ARHGAP6: variants seen among roughly 807,000 people sequenced by gnomAD.
ARHGAP6 encodes the protein Rho GTPase activating protein 6.
ARHGAP6 carries 16 observed loss-of-function variants against 55.7 expected under a neutral mutation model. The observed-to-expected ratio is 0.29, with a 90% CI of 0.19 to 0.44. ARHGAP6 has a LOEUF of 0.44. Ranked by LOEUF, ARHGAP6 falls within the 20% of genes least tolerant of loss-of-function variation. ARHGAP6 has a pLI of 1.00. For missense variants in ARHGAP6, 698 were observed against 808.9 expected, an observed-to-expected ratio of 0.86 and a Z score of 1.66; for synonymous variants, 382 against 360.9, an observed-to-expected ratio of 1.06 and a Z score of -0.66.
rs73500481 is a variant in ARHGAP6 at position 11,631,886 on chromosome X, A to G, written c.588+32355T>C. On this transcript the variant is annotated intron_variant, in intron 1 of 12. Transcript: ENST00000337414. Reference sequence around the variant, plus strand: ...ATAAAATATTGTTTTGATTTTTTCCACCATTAAAAATATAAAAAGCATTCT... The same window carrying G: ...ATAAAATATTGTTTTGATTTTTTCCGCCATTAAAAATATAAAAAGCATTCT... Among the ~76,000 whole-genome samples the G allele has an allele frequency of 6.7e-3, 752 of 111,851 alleles. 9 individuals are homozygous for G. The highest frequency in any genetic ancestry group is 0.023 in the African/African-American group (712 of 30,820).
intron 1 of ARHGAP6, among the ~76,000 whole-genome samples, chrX:11,341,143 T>C (rs1302116017): frequency 9.0e-6 from 1 of 111,410 alleles, no homozygotes; most frequent in Non-Finnish European, 1.9e-5. Context: ...TATGTATTTG[T>C]CAAAACTGAT....
Position 11,220,170 on chromosome X carries a change from C to G in ARHGAP6, c.749-23174G>C, listed in dbSNP as rs1432168937. On this transcript the variant is annotated intron_variant, in intron 2 of 12. Coordinates refer to ENST00000337414, the MANE Select transcript of ARHGAP6 (RefSeq NM_013427.3). ...AAGCCTTTCCCCATTGCTTGTTTTT[C>G]TCAGGTTTGTCAAAGATCAGATAGT... 6.4e-5 allele frequency among the ~76,000 whole-genome samples: 7 copies of G among 109,837 alleles called. No individual in the cohort carries two copies. The East Asian group carries it at 8.6e-4, about 14-fold the overall frequency.
Position 11,665,402 on chromosome X carries a change from T to C in ARHGAP6, c.-574A>G, listed in dbSNP as rs1275104627. ...CTGAGCTGCGCCTCCCTGCACTCTC[T>C]CCTTGCCCCGGCGCCCGAGGTTGCG... On this transcript the variant is annotated 5_prime_UTR_variant, in exon 1 of 13. Transcript: ENST00000337414. 1 of 113,504 alleles carries C rather than the reference T, an allele frequency of 8.8e-6. No homozygotes were observed. The highest frequency in any genetic ancestry group is 3.2e-5 in the African/African-American group (1 of 31,266). 9.4% of individuals were successfully genotyped at this position (113,504 alleles called of 1,213,427 possible).
At chrX:11,371,859 G>C (rs2049147454) in intron 1 of ARHGAP6, among the ~76,000 whole-genome samples, 1 of 112,282 alleles carries the variant, frequency 8.9e-6, no homozygotes, top group African/African-American at 3.2e-5. Flanking sequence ...CGACTCTGCT[G>C]TAAGTACTAC....
intron 1 of ARHGAP6, among the ~76,000 whole-genome samples, chrX:11,422,373 G>T (rs1325284716): frequency 8.9e-6 from 1 of 111,754 alleles, no homozygotes; most frequent in African/African-American, 3.3e-5. Flanking sequence ...CACAGATGTG[G>T]CCAGGCAATG....
chrX:11,229,084 A>T (rs2047093485), intron 2 of ARHGAP6, among the ~76,000 whole-genome samples: 1 of 112,431 alleles, frequency 8.9e-6, no homozygotes. Flanking sequence ...TAGAAAGCAC[A>T]GGCATGGAAC....
intron 2 of ARHGAP6, among the ~76,000 whole-genome samples, chrX:11,203,974 T>C (rs79597930): frequency 2.7e-5 from 3 of 112,201 alleles, no homozygotes; most frequent in Admixed American, 9.5e-5. Context: ...TTATGGTCTG[T>C]TTTTTGCTCC....
In ARHGAP6 at chrX:11,503,851, CACACACACACAAAGAG is replaced by C. The variant is rs2050704253; in HGVS notation, c.588+160374_588+160389del. Reference sequence around the variant, plus strand: ...CCAGAAATATCCATTTGCACACACACACACACACACAAAGAGACACACATACACACACACAAACACA... The same window carrying C: ...CCAGAAATATCCATTTGCACACACACACACACATACACACACACAAACACA... On this transcript the variant is annotated intron_variant, in intron 1 of 12. Coordinates refer to ENST00000337414, the MANE Select transcript of ARHGAP6 (RefSeq NM_013427.3). Among the ~76,000 whole-genome samples the C allele has an allele frequency of 5.6e-5, 6 of 106,761 alleles. No individual in the cohort carries two copies. In the South Asian group the frequency reaches 2.3e-3, roughly 42 times the overall value. The allele number at this position is 106,761 out of a possible 115,157, so 92.7% of individuals were successfully genotyped here.
At chrX:11,173,993 TA>T (rs750695277) in intron 8 of ARHGAP6, among the ~76,000 whole-genome samples, 2 of 111,756 alleles carry the variant, frequency 1.8e-5, no homozygotes, top group Non-Finnish European at 3.8e-5. Context: ...TAATACATAC[TA>T]AAAAAATAGG....
chrX:11,174,561 C>A (rs868139333), intron 8 of ARHGAP6, among the ~76,000 whole-genome samples: 1 of 75,167 alleles, frequency 1.3e-5, no homozygotes, highest in African/African-American at 5.5e-5. Flanking sequence ...TTCCTTCCTT[C>A]CTTCCTTCCT....
At chrX:11,268,254 T>C (rs751582544) in intron 1 of ARHGAP6, among the ~76,000 whole-genome samples, 1 of 112,156 alleles carries the variant, frequency 8.9e-6, no homozygotes, top group South Asian at 3.7e-4. Context: ...CTAAAACCCT[T>C]TGATGTCTCC....
chrX:11,217,896 G>A (rs1304793288), intron 2 of ARHGAP6, among the ~76,000 whole-genome samples: 1 of 112,063 alleles, frequency 8.9e-6, no homozygotes, highest in African/African-American at 3.2e-5. Flanking sequence ...TGTACAAGGT[G>A]TAAGGAAGGC....
chrX:11,282,916 T>C (rs2047875779), intron 1 of ARHGAP6, among the ~76,000 whole-genome samples: 1 of 112,603 alleles, frequency 8.9e-6, no homozygotes, highest in African/African-American at 3.2e-5. Context: ...CAATACCACC[T>C]GTCCTTATCT....
chrX:11,622,270 G>A (rs1359059028), intron 1 of ARHGAP6, among the ~76,000 whole-genome samples: 1 of 111,700 alleles, frequency 9.0e-6, no homozygotes, highest in Admixed American at 9.5e-5. Context: ...AATGCCAAAT[G>A]CCCTTGAGTT....
chrX:11,418,226 G>A (rs1762957103), intron 1 of ARHGAP6, among the ~76,000 whole-genome samples: 1 of 111,957 alleles, frequency 8.9e-6, no homozygotes, highest in Admixed American at 9.5e-5. Context: ...ACTCAAGGAG[G>A]AACTAACTTA....
chrX:11,294,348 C>T (rs142015350), intron 1 of ARHGAP6, among the ~76,000 whole-genome samples: 2,777 of 112,197 alleles, frequency 0.025, 87 homozygotes, highest in African/African-American at 0.085. Flanking sequence ...AGACTGTGCA[C>T]GAGACATTTC....
intron 8 of ARHGAP6, among the ~76,000 whole-genome samples, chrX:11,174,086 A>G (rs932658223): frequency 8.9e-6 from 1 of 112,084 alleles, no homozygotes; most frequent in African/African-American, 3.2e-5. Flanking sequence ...TGCCCATTCC[A>G]TATTCTCTAC....
At chrX:11,354,327 C>CTCTATATATATATATA (rs1343744315) in intron 1 of ARHGAP6, among the ~76,000 whole-genome samples, 2 of 32,348 alleles carry the variant, frequency 6.2e-5, no homozygotes, top group Non-Finnish European at 5.2e-5. Context: ...CTCTCTCTCT[C>CTCTATATATATATATA]TATATATATA....
intron 2 of ARHGAP6, among the ~76,000 whole-genome samples, chrX:11,214,755 C>A (rs2046854797): frequency 1.8e-5 from 2 of 113,384 alleles, no homozygotes; most frequent in Middle Eastern, 4.6e-3. Flanking sequence ...GCGAGGAGTG[C>A]GGGCAGGCAG....
Sources: gnomAD v4.1 joint callset for allele counts (sites outside exome capture counted in the v4.1 genomes callset) on GRCh38, gnomAD v4.1.1 for gene constraint, MANE v1.5 for transcripts, NCBI Gene and HGNC (gene_info 2026-07-23, HGNC 2026-07-21) for gene names.